Variants in TRAPPC9 observed in about 807,000 individuals in gnomAD.
TRAPPC9 encodes IKK2 binding protein.
Under a neutral mutation model 124.0 loss-of-function variants are expected in TRAPPC9, and 83 were observed. The ratio of observed to expected loss-of-function variants is 0.67; its 90% CI spans 0.56 to 0.80. TRAPPC9 has a LOEUF of 0.80. TRAPPC9 is among the 30% of genes least tolerant of loss of function. TRAPPC9 has a pLI of 0.00. For synonymous variants in TRAPPC9, 638 were observed against 617.5 expected (o/e 1.03, Z -0.49); for missense variants, 1,302 against 1,508.3 (o/e 0.86, Z 2.27).
rs199627385 is a variant in TRAPPC9 at position 140,388,681 on chromosome 8, CA to C, written c.1134+8938del. Among the ~76,000 whole-genome samples the C allele has an allele frequency of 4.9e-3, 726 of 148,138 alleles. 6 individuals are homozygous for C. The highest frequency in any genetic ancestry group is 0.017 in the African/African-American group (669 of 40,284). On this transcript the variant is annotated intron_variant, in intron 7 of 22. Coordinates refer to ENST00000438773, the MANE Select transcript of TRAPPC9 (RefSeq NM_001160372.4). ...TGGGTGACAGAGCAAGACTCCATCT[CA>C]AAAAAAAATACAAAAATTAGTTGGG...
chr8:140,146,995 T>C (rs2061473529), intron 17 of TRAPPC9, among the ~76,000 whole-genome samples: 1 of 152,238 alleles, frequency 6.6e-6, no homozygotes, highest in Admixed American at 6.5e-5. Context: ...TCTGTCAACA[T>C]TTCTATTCAA....
At chr8:139,755,752 G>A (rs1435406089) in intron 21 of TRAPPC9, among the ~76,000 whole-genome samples, 72 of 125,298 alleles carry the variant, frequency 5.7e-4, no homozygotes, top group East Asian at 1.4e-3. Context: ...ACAGCAGGTC[G>A]CAGGGGGAGC....
chr8:140,390,067 G>A (rs1278260462), intron 7 of TRAPPC9, among the ~76,000 whole-genome samples: 1 of 152,162 alleles, frequency 6.6e-6, no homozygotes, highest in African/African-American at 2.4e-5. Context: ...ACTTTGGGAG[G>A]CCGAGGCAGG....
At chr8:140,020,067 T>C (rs1185374564) in intron 18 of TRAPPC9, among the ~76,000 whole-genome samples, 1 of 152,224 alleles carries the variant, frequency 6.6e-6, no homozygotes, top group Non-Finnish European at 1.5e-5. Flanking sequence ...TTAATGTCTG[T>C]GGAATTAGTA....
At chr8:140,290,699 T>C (rs567353623) in intron 12 of TRAPPC9, among the ~76,000 whole-genome samples, 2 of 152,284 alleles carry the variant, frequency 1.3e-5, no homozygotes, top group African/African-American at 4.8e-5. Context: ...CCTCAACACA[T>C]CTCACGTAAG....
intron 21 of TRAPPC9, among the ~76,000 whole-genome samples, chr8:139,827,826 T>C (rs1055110687): frequency 3.3e-5 from 5 of 152,188 alleles, no homozygotes; most frequent in African/African-American, 1.2e-4. Context: ...AGCATGGTAC[T>C]GGCATCTGCT....
chr8:140,436,083 T>C (rs1021629416), intron 3 of TRAPPC9, among the ~76,000 whole-genome samples: 1 of 152,246 alleles, frequency 6.6e-6, no homozygotes, highest in African/African-American at 2.4e-5. Context: ...CAGTGGCTCA[T>C]GCCAGTAATC....
intron 17 of TRAPPC9, among the ~76,000 whole-genome samples, chr8:140,094,616 A>G (rs1483129375): frequency 6.6e-6 from 1 of 152,172 alleles, no homozygotes; most frequent in East Asian, 1.9e-4. Flanking sequence ...AGCAGAGTAG[A>G]GGGGAGGGAA....
chr8:140,236,488 C>T (rs2063734209), intron 16 of TRAPPC9, among the ~76,000 whole-genome samples: 1 of 152,194 alleles, frequency 6.6e-6, no homozygotes, highest in Non-Finnish European at 1.5e-5. Context: ...TGCCACAGGT[C>T]TCAAGAGAAC....
intron 9 of TRAPPC9, among the ~76,000 whole-genome samples, chr8:140,342,066 T>G (rs548296393): frequency 3.9e-5 from 6 of 152,096 alleles, no homozygotes; most frequent in African/African-American, 1.4e-4. Flanking sequence ...TCAGGATGAG[T>G]TGCCATATTC....
At chr8:140,144,393 T>A (rs754108210) in intron 17 of TRAPPC9, among the ~76,000 whole-genome samples, 5 of 152,260 alleles carry the variant, frequency 3.3e-5, no homozygotes, top group Non-Finnish European at 5.9e-5. Context: ...TCATAAAGTC[T>A]TGTACACGTC....
chr8:140,436,173 C>G (rs941775704), intron 3 of TRAPPC9, among the ~76,000 whole-genome samples: 1 of 152,192 alleles, frequency 6.6e-6, no homozygotes, highest in Middle Eastern at 3.4e-3. Context: ...TGGTGAAACC[C>G]TGACTCTACT....
At chr8:140,046,994 C>G (rs1841642414) in intron 17 of TRAPPC9, among the ~76,000 whole-genome samples, 1 of 152,308 alleles carries the variant, frequency 6.6e-6, no homozygotes, top group East Asian at 1.9e-4. Flanking sequence ...CCCGTGGCAC[C>G]TACAATAAAC....
chr8:140,191,810 G>A (rs1448188740), intron 17 of TRAPPC9, among the ~76,000 whole-genome samples: 7 of 152,228 alleles, frequency 4.6e-5, no homozygotes, highest in East Asian at 3.9e-4. Flanking sequence ...TGCTGTCCAC[G>A]AAAAGGCAGA....
intron 8 of TRAPPC9, among the ~76,000 whole-genome samples, chr8:140,365,067 C>T (rs933589056): frequency 6.6e-6 from 1 of 151,638 alleles, no homozygotes; most frequent in Non-Finnish European, 1.5e-5. Flanking sequence ...ACCCCATTCA[C>T]GCTGGCCTCA....
At chr8:139,814,883 C>A (rs750465163) in intron 21 of TRAPPC9, among the ~76,000 whole-genome samples, 5 of 152,216 alleles carry the variant, frequency 3.3e-5, no homozygotes, top group African/African-American at 1.2e-4. Context: ...GCTTGCAGAG[C>A]AGGGTCTGGA....
At chr8:140,140,540 C>T (rs748318027) in intron 17 of TRAPPC9, among the ~76,000 whole-genome samples, 4 of 152,084 alleles carry the variant, frequency 2.6e-5, no homozygotes, top group Non-Finnish European at 4.4e-5. Flanking sequence ...CATCAATCAG[C>T]GAATGAAACA....
chr8:140,111,687 T>TA (rs1311079774), intron 17 of TRAPPC9, among the ~76,000 whole-genome samples: 12 of 152,344 alleles, frequency 7.9e-5, no homozygotes, highest in African/African-American at 2.9e-4. Flanking sequence ...GAGGACAACA[T>TA]AGAACTTTCC....
intron 17 of TRAPPC9, among the ~76,000 whole-genome samples, chr8:140,064,143 T>TAA (rs1216672565): frequency 6.6e-6 from 1 of 152,166 alleles, no homozygotes; most frequent in Admixed American, 6.6e-5. Context: ...ACTCGACTGT[T>TAA]ACACTTGGCA....
Sources: allele counts gnomAD v4.1 joint callset (sites outside exome capture counted in the v4.1 genomes callset), GRCh38; gene constraint gnomAD v4.1.1; transcripts MANE v1.5; gene names NCBI Gene and HGNC (gene_info 2026-07-23, HGNC 2026-07-21).